Variants in LIPC observed in about 807,000 individuals in gnomAD.
LIPC encodes hepatic triacylglycerol lipase.
In LIPC, 44 loss-of-function variants were observed where a neutral mutation model predicts 50.7. The ratio of observed to expected loss-of-function variants is 0.87; its 90% CI spans 0.68 to 1.11. The LOEUF is 1.11. Ranked by LOEUF, LIPC falls within the 50% of genes most tolerant of loss-of-function variation. The probability of loss-of-function intolerance (pLI) is 0.00; values close to 1 mark genes in which losing one functional copy is unlikely to be tolerated. For synonymous variants in LIPC, 271 were observed against 256.4 expected (o/e 1.06, Z -0.54); for missense variants, 697 against 648.2 (o/e 1.08, Z -0.82).
At chr15:58,524,856 T>G (rs1268269779) in intron 1 of LIPC, among the ~76,000 whole-genome samples, 1 of 152,200 alleles carries the variant, frequency 6.6e-6, no homozygotes, top group Non-Finnish European at 1.5e-5. Context: ...TCTCACTTTA[T>G]TGTTCATTTT....
intron 1 of LIPC, among the ~76,000 whole-genome samples, chr15:58,535,319 C>T (rs567312918): frequency 8.5e-5 from 13 of 152,224 alleles, no homozygotes; most frequent in Non-Finnish European, 1.8e-4. Context: ...ATAATACATG[C>T]TTAATAAGTG....
rs189007731 is a variant in LIPC at position 58,557,072 on chromosome 15, T to C, written c.1052-3792T>C. Among the ~76,000 whole-genome samples the C allele has an allele frequency of 4.7e-3, 715 of 152,342 alleles. 9 individuals carry two copies. The highest frequency in any genetic ancestry group is 0.016 in the African/African-American group (685 of 41,568). On this transcript the variant is annotated intron_variant, in intron 6 of 8. Coordinates refer to ENST00000299022, the MANE Select transcript of LIPC (RefSeq NM_000236.3). ...GTTAGGACATTTTTTAACTGAAATC[T>C]CTTTCCACAATTCAACTTTTTCCTT...
intron 6 of LIPC, among the ~76,000 whole-genome samples, chr15:58,549,131 A>C (rs1303685776): frequency 6.6e-6 from 1 of 152,174 alleles, no homozygotes; most frequent in Non-Finnish European, 1.5e-5. Context: ...TGGGCCCAGC[A>C]GCTCTCTGGA....
chr15:58,471,034 G>A (rs1456276267), intron 1 of LIPC, among the ~76,000 whole-genome samples: 1 of 151,858 alleles, frequency 6.6e-6, no homozygotes, highest in East Asian at 1.9e-4. Context: ...ATTTTTGCAG[G>A]AGAAATTATA....
intron 1 of LIPC, among the ~76,000 whole-genome samples, chr15:58,532,004 T>C (rs1892975152): frequency 6.6e-6 from 1 of 152,152 alleles, no homozygotes; most frequent in Non-Finnish European, 1.5e-5. Context: ...GACATTATAG[T>C]GAAGTGATGC....
chr15:58,487,835 T>C (rs531986410), intron 1 of LIPC, among the ~76,000 whole-genome samples: 1 of 152,298 alleles, frequency 6.6e-6, no homozygotes, highest in South Asian at 2.1e-4. Context: ...GTGTTGGCCC[T>C]GGATAGATCA....
chr15:58,558,531 G>A lies in LIPC; in HGVS notation c.1052-2333G>A, dbSNP rs576997062. ...AATTAGGATCCGGGCCTCACAGCCA[G>A]AGGTGAGCAGTGGGCGAGCAAGCAT... On this transcript the variant is annotated intron_variant, in intron 6 of 8. Transcript: ENST00000299022. Among the ~76,000 whole-genome samples, 5 of 152,356 alleles carry A rather than the reference G, an allele frequency of 3.3e-5. No individual in the cohort carries two copies. In the South Asian group the frequency reaches 1.0e-3, roughly 32 times the overall value.
intron 1 of LIPC, among the ~76,000 whole-genome samples, chr15:58,471,728 G>T (rs1890813849): frequency 6.6e-6 from 1 of 152,148 alleles, no homozygotes. Context: ...GAGCCAAATA[G>T]AAATGCATGA....
intron 1 of LIPC, among the ~76,000 whole-genome samples, chr15:58,460,394 G>A (rs549603142): frequency 6.6e-6 from 1 of 152,210 alleles, no homozygotes; most frequent in Non-Finnish European, 1.5e-5. Context: ...AGGCTGGATG[G>A]GAGGCAGGGT....
intron 1 of LIPC, among the ~76,000 whole-genome samples, chr15:58,439,536 C>T (rs1436214985): frequency 6.6e-6 from 1 of 152,174 alleles, no homozygotes; most frequent in African/African-American, 2.4e-5. Context: ...CTCTGCCTCC[C>T]GGGTTCAAGC....
intron 6 of LIPC, 102 bp downstream of exon 6, chr15:58,548,674 T>C: frequency 1.4e-6 from 2 of 1,445,568 alleles, no homozygotes; most frequent in Non-Finnish European, 9.4e-7. Context: ...GCTTCAGCTC[T>C]GCTGTTGCGG....
intron 7 of LIPC, among the ~76,000 whole-genome samples, chr15:58,563,112 A>C (rs1894222439): frequency 6.6e-6 from 1 of 152,070 alleles, no homozygotes; most frequent in African/African-American, 2.4e-5. Flanking sequence ...TACTTGGGAG[A>C]GAGTGCATGC....
chr15:58,438,995 C>A (rs1480327944), intron 1 of LIPC, among the ~76,000 whole-genome samples: 1 of 152,212 alleles, frequency 6.6e-6, no homozygotes, highest in South Asian at 2.1e-4. Context: ...TTGTCTACAG[C>A]GTTTTCACCT....
intron 7 of LIPC, among the ~76,000 whole-genome samples, chr15:58,561,465 C>T (rs1894159725): frequency 6.6e-6 from 1 of 152,092 alleles, no homozygotes; most frequent in Non-Finnish European, 1.5e-5. Flanking sequence ...GACCAAGGTT[C>T]TTATTATGCA....
At position 58,449,350 on chromosome 15, in the gene LIPC, C is replaced by T. The variant is rs1043966012; in HGVS notation, c.88+17230C>T. 3.9e-5 allele frequency among the ~76,000 whole-genome samples: 6 copies of T among 152,178 alleles called. No homozygotes were observed. The South Asian group carries it at 8.3e-4, about 21-fold the overall frequency. On this transcript the variant is annotated intron_variant, in intron 1 of 8. Transcript: ENST00000299022. ...AGCAGAGGTGCATCTCTCTCCTTCT[C>T]ATTTGATGGCTTGGAATTAAAATGC...
intron 1 of LIPC, among the ~76,000 whole-genome samples, chr15:58,511,350 C>T (rs1379345942): frequency 1.1e-4 from 17 of 152,104 alleles, no homozygotes; most frequent in Admixed American, 3.3e-4. Flanking sequence ...TCACTAACCC[C>T]AAGGCCCTAA....
intron 1 of LIPC, among the ~76,000 whole-genome samples, chr15:58,487,283 C>G (rs1595889550): frequency 6.6e-6 from 1 of 152,210 alleles, no homozygotes; most frequent in Non-Finnish European, 1.5e-5. Flanking sequence ...AGCTTCCATT[C>G]TCATGGGCAA....
At chr15:58,486,657 G>A (rs1215947566) in intron 1 of LIPC, among the ~76,000 whole-genome samples, 1 of 152,190 alleles carries the variant, frequency 6.6e-6, no homozygotes, top group Non-Finnish European at 1.5e-5. Flanking sequence ...GAGAGGGGAG[G>A]CAACGCAGGC....
intron 1 of LIPC, among the ~76,000 whole-genome samples, chr15:58,461,585 T>A (rs1894349914): frequency 6.6e-6 from 1 of 151,684 alleles, no homozygotes; most frequent in African/African-American, 2.4e-5. Context: ...ATTTTTGATT[T>A]TTTTTTTTTT....
Sources: gnomAD v4.1 joint callset for allele counts (sites outside exome capture counted in the v4.1 genomes callset) on GRCh38, gnomAD v4.1.1 for gene constraint, MANE v1.5 for transcripts, NCBI Gene and HGNC (gene_info 2026-07-23, HGNC 2026-07-21) for gene names.